The following LHX4 variants were observed in gnomAD, a reference collection of about 807,000 sequenced individuals.
The protein encoded by LHX4 is LIM/homeobox protein Lhx4.
Under a neutral mutation model 39.2 loss-of-function variants are expected in LHX4, and 16 were observed. The observed-to-expected ratio is 0.41, with a 90% CI of 0.28 to 0.62. LHX4 has a LOEUF of 0.62. Among genes scored for constraint, LHX4 ranks in the 20% least tolerant of loss-of-function variants. The pLI is 0.33. For synonymous variants in LHX4, 206 were observed against 198.1 expected, an observed-to-expected ratio of 1.04 and a Z score of -0.33; for missense variants, 439 against 511.9, an observed-to-expected ratio of 0.86 and a Z score of 1.37.
chr1:180,268,489 T>C (rs1648430205), intron 3 of LHX4, among the ~76,000 whole-genome samples: 1 of 152,224 alleles, frequency 6.6e-6, no homozygotes, highest in Non-Finnish European at 1.5e-5. Flanking sequence ...CCGGACTTGC[T>C]GTCAGAAGCT....
intron 3 of LHX4, among the ~76,000 whole-genome samples, chr1:180,268,366 A>G (rs974476170): frequency 1.4e-4 from 21 of 152,244 alleles, no homozygotes; most frequent in Admixed American, 1.4e-3. Flanking sequence ...CAAGAGAAAC[A>G]GATGTAGATT....
chr1:180,260,946 T>C (rs704336), intron 2 of LHX4, among the ~76,000 whole-genome samples: 1 of 151,744 alleles, frequency 6.6e-6, no homozygotes, highest in Admixed American at 6.5e-5. Context: ...CCAGTTCTTA[T>C]CTGTTAAAAG....
rs1355278535 is a variant in LHX4 at position 180,271,397 on chromosome 1, G to A, written c.469G>A (p.Ala157Thr). The A allele has an allele frequency of 6.2e-7, 1 of 1,614,218 alleles. No individual in the cohort carries two copies. Among genetic ancestry groups the A allele is most frequent in the Non-Finnish European group, 8.5e-7 (1 of 1,180,042 alleles). Reference protein sequence around the residue: ...AKQNDDSEAGAKRPRTTITAK... With the variant: ...AKQNDDSEAGTKRPRTTITAK... ...CCTTGCAGATGACTCAGAGGCTGGA[G>A]CTAAGCGGCCCCGGACCACCATCAC... is the stretch of plus-strand genomic sequence containing the variant. The change falls in exon 4 of 6, where the codon GCT becomes ACT. Residue 157 changes from alanine to threonine, a missense_variant. Coordinates refer to ENST00000263726, the MANE Select transcript of LHX4 (RefSeq NM_033343.4).
At position 180,230,472 on chromosome 1, in the gene LHX4, CTAGAGCGA is replaced by C; in HGVS notation, c.-57_-50del. The C allele has an allele frequency of 7.1e-7, 1 of 1,415,846 alleles. No homozygotes were observed. Among genetic ancestry groups the C allele is most frequent in the Non-Finnish European group, 1.0e-6 (1 of 1,003,492 alleles). 87.7% of individuals were successfully genotyped at this position (1,415,846 alleles called of 1,614,324 possible). A position where few individuals can be genotyped will look rare whatever the true frequency, so the allele number is the denominator to read the frequency against. On this transcript the variant is annotated 5_prime_UTR_variant, in exon 1 of 6. Transcript: ENST00000263726. The surrounding 1 kb of genome is among the most constrained non-coding windows in gnomAD (Gnocchi z 5.8). ...ATTATTTTGAAATTTCTGAATCGAG[CTAGAGCGA>C]GAGAGCGAGAGATCTCCGTAGACTG...
chr1:180,273,966 G>A (rs1234099003), intron 5 of LHX4: 3 of 589,192 alleles, frequency 5.1e-6, no homozygotes, highest in African/African-American at 3.7e-5. Flanking sequence ...CTGGGACCTG[G>A]GAATTTAGTC....
upstream of LHX4, among the ~76,000 whole-genome samples, chr1:180,228,636 G>A (rs543287500): frequency 6.6e-6 from 1 of 152,004 alleles, no homozygotes; most frequent in African/African-American, 2.4e-5. Context: ...ATATTGTCTC[G>A]CGCGCGGAGT....
intron 1 of LHX4, among the ~76,000 whole-genome samples, chr1:180,237,370 A>G (rs111395381): frequency 7.2e-5 from 11 of 152,322 alleles, no homozygotes; most frequent in African/African-American, 2.4e-4. Flanking sequence ...GTAGGAAGAA[A>G]TCAACTAAAA....
At chr1:180,272,473 CT>C (rs1291775742) in intron 5 of LHX4, 3 of 160,636 alleles carry the variant, frequency 1.9e-5, no homozygotes, top group Admixed American at 5.8e-5. Flanking sequence ...GAAATCAGTA[CT>C]GTGAGTGCAT....
intron 1 of LHX4, among the ~76,000 whole-genome samples, chr1:180,242,239 G>C (rs1193239204): frequency 6.6e-6 from 1 of 151,752 alleles, no homozygotes; most frequent in Non-Finnish European, 1.5e-5. Flanking sequence ...CTCATCCCAT[G>C]TATGAGGATG....
intron 2 of LHX4, among the ~76,000 whole-genome samples, chr1:180,259,184 A>C (rs1274423632): frequency 6.6e-6 from 1 of 152,022 alleles, no homozygotes; most frequent in Non-Finnish European, 1.5e-5. Context: ...GGCAGCGAGC[A>C]GGTGTGTTGG....
chr1:180,241,817 T>C (rs193238587), intron 1 of LHX4, among the ~76,000 whole-genome samples: 27 of 152,254 alleles, frequency 1.8e-4, no homozygotes, highest in African/African-American at 4.8e-4. Context: ...TTTTTTCTTT[T>C]TGTTTTGTTT....
At position 180,276,034 on chromosome 1, in the gene LHX4, T is replaced by C. The variant is rs1649007411; in HGVS notation, c.*1455T>C. 1 of 152,254 alleles carries C rather than the reference T, an allele frequency of 6.6e-6. No individual in the cohort carries two copies. Among genetic ancestry groups the C allele is most frequent in the Non-Finnish European group, 1.5e-5 (1 of 68,064 alleles). 9.4% of individuals were successfully genotyped at this position (152,254 alleles called of 1,614,324 possible). On this transcript the variant is annotated 3_prime_UTR_variant, in exon 6 of 6. Coordinates refer to ENST00000263726, the MANE Select transcript of LHX4 (RefSeq NM_033343.4). ...GCACCCATCTACCATCAGGAAGCTC[T>C]CCATGTGCAAACTGGAATTTAGCCA...
At chr1:180,255,807 C>T (rs1228701454) in intron 2 of LHX4, among the ~76,000 whole-genome samples, 3 of 152,352 alleles carry the variant, frequency 2.0e-5, no homozygotes, top group East Asian at 1.9e-4. Flanking sequence ...GTGAAGGCCT[C>T]CTGACATCTG....
At chr1:180,261,376 AG>A (rs1648108139) in intron 2 of LHX4, among the ~76,000 whole-genome samples, 1 of 144,064 alleles carries the variant, frequency 6.9e-6, no homozygotes, top group African/African-American at 2.6e-5. Context: ...GCAGAGGCAA[AG>A]GGGATGGCTC....
Position 180,230,358 on chromosome 1 carries a change from A to T in LHX4, c.-172A>T, listed in dbSNP as rs376657735. 3.2e-6 allele frequency: 2 copies of T among 626,350 alleles called. No homozygotes were observed. The highest frequency in any genetic ancestry group is 3.9e-5 in the African/African-American group (2 of 51,544). The allele number at this position is 626,350 out of a possible 1,614,324, so 38.8% of individuals were successfully genotyped here. On this transcript the variant is annotated 5_prime_UTR_variant, in exon 1 of 6. Coordinates refer to ENST00000263726, the MANE Select transcript of LHX4 (RefSeq NM_033343.4). This position sits in a 1 kb window ranked among gnomAD's most constrained non-coding sequence, Gnocchi z 5.8. ...AAACAGACTGGGGACTGGCGGGGGG[A>T]GGGGGCCGGCCAGCCTGTGGAGTCC... is the stretch of plus-strand genomic sequence containing the variant.
intron 2 of LHX4, among the ~76,000 whole-genome samples, chr1:180,252,691 T>C (rs954732735): frequency 6.6e-6 from 1 of 152,148 alleles, no homozygotes; most frequent in African/African-American, 2.4e-5. Flanking sequence ...AATACGGAGA[T>C]ACGGAGAGTA....
intron 1 of LHX4, among the ~76,000 whole-genome samples, chr1:180,239,876 C>A (rs1664409404): frequency 1.3e-5 from 2 of 152,188 alleles, no homozygotes; most frequent in Admixed American, 6.5e-5. Flanking sequence ...ACACAGCCGC[C>A]CCTGGGAGCA....
upstream of LHX4, among the ~76,000 whole-genome samples, chr1:180,229,349 G>A (rs115617757): frequency 0.062 from 9,382 of 152,168 alleles, 342 homozygotes; most frequent in African/African-American, 0.08. Flanking sequence ...CCGCGGGGAG[G>A]TTTGGGCCCC....
intron 3 of LHX4, chr1:180,270,149 G>GC (rs1648553057): frequency 6.6e-6 from 1 of 152,274 alleles, no homozygotes. Context: ...GAACACTGAA[G>GC]CCAGGTCTGC....
Sources: gnomAD v4.1 joint callset for allele counts (sites outside exome capture counted in the v4.1 genomes callset) on GRCh38, gnomAD v4.1.1 for gene constraint, Gnocchi (gnomAD v3.1) non-coding constraint, MANE v1.5 for transcripts, NCBI Gene and HGNC (gene_info 2026-07-23, HGNC 2026-07-21) for gene names.